The following TMEM185A variants were observed in gnomAD, a reference collection of about 807,000 sequenced individuals.
The protein encoded by TMEM185A is family with sequence similarity 11, member A.
Under a neutral mutation model 25.0 loss-of-function variants are expected in TMEM185A, and 9 were observed. The observed-to-expected ratio is 0.36, with a 90% CI of 0.22 to 0.63. TMEM185A has a LOEUF of 0.63. Ranked by LOEUF, TMEM185A falls within the 20% of genes least tolerant of loss-of-function variation. The pLI, the probability that TMEM185A is intolerant of heterozygous loss-of-function variation, is 0.68. For synonymous variants in TMEM185A, 45 were observed against 93.5 expected, an observed-to-expected ratio of 0.48 and a Z score of 2.99; for missense variants, 103 against 237.4, an observed-to-expected ratio of 0.43 and a Z score of 3.72.
At chrX:149,603,292 CT>C (rs1180036279) in intron 4 of TMEM185A, among the ~76,000 whole-genome samples, 409 of 103,184 alleles carry the variant, frequency 4.0e-3, no homozygotes, top group Non-Finnish European at 4.7e-3. Context: ...ATGGGTATGG[CT>C]TTTTTTTTTT....
chrX:149,626,694 A>C (rs1202820881), intron 1 of TMEM185A, among the ~76,000 whole-genome samples: 1 of 112,432 alleles, frequency 8.9e-6, no homozygotes, highest in Non-Finnish European at 1.9e-5. Flanking sequence ...CTCAGTATTT[A>C]CTGATCATTA....
intron 3 of TMEM185A, among the ~76,000 whole-genome samples, chrX:149,606,470 T>TGAGGACGTGGCCC (rs2090051886): frequency 8.8e-6 from 1 of 113,004 alleles, no homozygotes; most frequent in Non-Finnish European, 1.9e-5. Context: ...CTCTGTGGGC[T>TGAGGACGTGGCCC]GAGGACGTGG....
At chrX:149,627,106 G>A (rs781788518) in intron 1 of TMEM185A, among the ~76,000 whole-genome samples, 2 of 111,497 alleles carry the variant, frequency 1.8e-5, no homozygotes, top group East Asian at 5.6e-4. Flanking sequence ...CGGGCTGGGG[G>A]GTGGTAAGGT....
chrX:149,628,239 C>A (rs918685292), intron 1 of TMEM185A, among the ~76,000 whole-genome samples: 1 of 111,431 alleles, frequency 9.0e-6, no homozygotes, highest in Non-Finnish European at 1.9e-5. Flanking sequence ...AGCAACTCCC[C>A]CAAAGTAGCA....
At chrX:149,631,466 C>G in intron 1 of TMEM185A, 77 bp downstream of exon 1, 2 of 1,078,258 alleles carry the variant, frequency 1.9e-6, no homozygotes, top group Non-Finnish European at 2.4e-6. Flanking sequence ...GCCCGCCGTG[C>G]CTCCCCGGAG....
At chrX:149,603,415 C>G (rs782245906) in intron 4 of TMEM185A, among the ~76,000 whole-genome samples, 13 of 111,151 alleles carry the variant, frequency 1.2e-4, no homozygotes, top group Non-Finnish European at 1.9e-4. Flanking sequence ...GTGTAAGCCA[C>G]TGCGCCTGGC....
intron 1 of TMEM185A, among the ~76,000 whole-genome samples, chrX:149,630,466 C>G (rs781793024): frequency 8.9e-6 from 1 of 111,882 alleles, no homozygotes; most frequent in African/African-American, 3.3e-5. Context: ...TCTAAAGCAC[C>G]TAACATAGGT....
At chrX:149,628,484 C>A (rs1245798009) in intron 1 of TMEM185A, among the ~76,000 whole-genome samples, 1 of 112,345 alleles carries the variant, frequency 8.9e-6, no homozygotes, top group East Asian at 2.8e-4. Context: ...AGTTCATGAT[C>A]AACCAGTTCA....
intron 1 of TMEM185A, among the ~76,000 whole-genome samples, chrX:149,621,352 G>A (rs782111704): frequency 7.2e-5 from 8 of 111,473 alleles, no homozygotes; most frequent in Non-Finnish European, 1.1e-4. Flanking sequence ...GTTGGAAAAG[G>A]GATTATTTTA....
intron 3 of TMEM185A, among the ~76,000 whole-genome samples, chrX:149,608,200 T>C (rs1557353831): frequency 8.9e-6 from 1 of 112,376 alleles, no homozygotes; most frequent in African/African-American, 3.2e-5. Flanking sequence ...GAAAGAAAAA[T>C]TGTTATTTCC....
At chrX:149,630,356 T>C (rs1464849568) in intron 1 of TMEM185A, among the ~76,000 whole-genome samples, 1 of 105,615 alleles carries the variant, frequency 9.5e-6, no homozygotes, top group Non-Finnish European at 2.0e-5. Flanking sequence ...AGCCAAGGCA[T>C]AGGTCCCCAG....
chrX:149,626,847 G>GT (rs1557356085), intron 1 of TMEM185A, among the ~76,000 whole-genome samples: 1 of 112,311 alleles, frequency 8.9e-6, no homozygotes, highest in Non-Finnish European at 1.9e-5. Context: ...CTAGATTTAT[G>GT]TTTCTCTTTA....
intron 1 of TMEM185A, 42 bp downstream of exon 1, chrX:149,631,501 C>G: frequency 8.7e-7 from 1 of 1,147,233 alleles, no homozygotes; most frequent in African/African-American, 1.8e-5. Flanking sequence ...GCGCCCGAGC[C>G]CGCAGCGCGG....
intron 3 of TMEM185A, among the ~76,000 whole-genome samples, chrX:149,605,401 A>AGCCTCCCATGTCACTTTCTATG (rs1463440427): frequency 2.7e-5 from 2 of 74,086 alleles, no homozygotes; most frequent in South Asian, 6.9e-4. Flanking sequence ...CACTTTCTAT[A>AGCCTCCCATGTCACTTTCTATG]GCCTCCCATG....
intron 1 of TMEM185A, among the ~76,000 whole-genome samples, chrX:149,612,154 T>C (rs1557354583): frequency 1.8e-5 from 2 of 112,046 alleles, no homozygotes; most frequent in Admixed American, 9.5e-5. Flanking sequence ...GACTTAATAA[T>C]AGGAATATAA....
chrX:149,602,338 T>C (rs2090022179), intron 4 of TMEM185A: 1 of 112,546 alleles, frequency 8.9e-6, no homozygotes, highest in African/African-American at 3.2e-5. Context: ...CCAAAGATTC[T>C]GTCCTATGTT....
At chrX:149,605,237 C>T (rs1344223951) in intron 3 of TMEM185A, 3 of 113,039 alleles carry the variant, frequency 2.7e-5, no homozygotes, top group East Asian at 2.8e-4. Flanking sequence ...AGATCATTAT[C>T]GCCTGCACTT....
intron 3 of TMEM185A, among the ~76,000 whole-genome samples, chrX:149,605,474 T>G (rs782155635): frequency 1.0e-5 from 1 of 98,212 alleles, no homozygotes; most frequent in Admixed American, 1.1e-4. Context: ...GCCTCCCTTG[T>G]CACTTTCTAT....
intron 1 of TMEM185A, among the ~76,000 whole-genome samples, chrX:149,624,811 C>T (rs782762628): frequency 3.8e-4 from 43 of 112,030 alleles, no homozygotes; most frequent in Non-Finnish European, 7.1e-4. Flanking sequence ...GAGCCCAGGC[C>T]AGTAGGAAGA....
Sources: allele counts gnomAD v4.1 joint callset (sites outside exome capture counted in the v4.1 genomes callset), GRCh38; gene constraint gnomAD v4.1.1; transcripts MANE v1.5; gene names NCBI Gene and HGNC (gene_info 2026-07-23, HGNC 2026-07-21).